Variants in GALNTL6 observed in about 807,000 individuals in gnomAD.
GALNTL6 encodes polypeptide N-acetylgalactosaminyltransferase-like 6.
GALNTL6 carries 46 observed loss-of-function variants against 73.7 expected under a neutral mutation model. The ratio of observed to expected loss-of-function variants is 0.62; its 90% CI spans 0.49 to 0.80. The LOEUF (loss-of-function observed/expected upper bound fraction) is 0.80, where lower values mean the gene tolerates loss of function less well. Among genes scored for constraint, GALNTL6 ranks in the 30% least tolerant of loss-of-function variants. The pLI, the probability that GALNTL6 is intolerant of heterozygous loss-of-function variation, is 0.00. For missense variants in GALNTL6, 604 were observed against 755.0 expected (o/e 0.80, Z 2.34); for synonymous variants, 259 against 263.7 (o/e 0.98, Z 0.17).
chr4:172,981,727 T>G (rs1327870694), intron 10 of GALNTL6, among the ~76,000 whole-genome samples: 1 of 151,930 alleles, frequency 6.6e-6, no homozygotes, highest in East Asian at 1.9e-4. Context: ...TTTATATTTC[T>G]TAAAAAAACA....
intron 3 of GALNTL6, among the ~76,000 whole-genome samples, chr4:172,278,116 T>C (rs1429465515): frequency 2.6e-5 from 4 of 152,198 alleles, no homozygotes; most frequent in Non-Finnish European, 4.4e-5. Flanking sequence ...CTTCCTATTA[T>C]TGCAGATGAG....
At chr4:172,848,502 A>G (rs1295828178) in intron 7 of GALNTL6, among the ~76,000 whole-genome samples, 1 of 152,186 alleles carries the variant, frequency 6.6e-6, no homozygotes, top group African/African-American at 2.4e-5. Context: ...TAGCTGGATG[A>G]ATGAATAGAC....
intron 3 of GALNTL6, among the ~76,000 whole-genome samples, chr4:172,231,884 T>C (rs1579282530): frequency 6.6e-6 from 1 of 152,112 alleles, no homozygotes; most frequent in East Asian, 1.9e-4. Context: ...CTGAATAAAC[T>C]TGTCTTTTCT....
chr4:172,303,010 A>AT (rs1739995352), intron 3 of GALNTL6, among the ~76,000 whole-genome samples: 1 of 151,436 alleles, frequency 6.6e-6, no homozygotes, highest in Non-Finnish European at 1.5e-5. Flanking sequence ...ATTTATTTTT[A>AT]TTTTTTTGAA....
intron 2 of GALNTL6, among the ~76,000 whole-genome samples, chr4:171,947,350 T>C (rs333008): frequency 0.42 from 63,957 of 151,940 alleles, 15,747 homozygotes; most frequent in Admixed American, 0.56. Context: ...ATATGAATTA[T>C]AGGTTGTAAG....
intron 2 of GALNTL6, among the ~76,000 whole-genome samples, chr4:172,137,528 T>C (rs1047575743): frequency 1.3e-5 from 2 of 151,920 alleles, no homozygotes; most frequent in African/African-American, 4.8e-5. Flanking sequence ...AGAGAAGAAA[T>C]CAGAAGAGTA....
At chr4:171,905,595 G>A (rs1029709061) in intron 2 of GALNTL6, among the ~76,000 whole-genome samples, 3 of 150,030 alleles carry the variant, frequency 2.0e-5, no homozygotes, top group Non-Finnish European at 4.4e-5. Flanking sequence ...GAGACAGAAA[G>A]TCAACAAGGA....
chr4:172,277,383 G>T (rs1332370660), intron 3 of GALNTL6, among the ~76,000 whole-genome samples: 1 of 152,128 alleles, frequency 6.6e-6, no homozygotes, highest in Non-Finnish European at 1.5e-5. Context: ...TGGGTCTGTT[G>T]TTATGGAAGC....
chr4:172,705,770 TC>T (rs2111306574), intron 5 of GALNTL6, among the ~76,000 whole-genome samples: 1 of 152,278 alleles, frequency 6.6e-6, no homozygotes, highest in South Asian at 2.1e-4. Flanking sequence ...CAGTTTTTTT[TC>T]CTTTAGCACT....
intron 8 of GALNTL6, among the ~76,000 whole-genome samples, chr4:172,913,077 C>A (rs921854012): frequency 2.6e-5 from 4 of 152,188 alleles, no homozygotes; most frequent in Non-Finnish European, 5.9e-5. Context: ...GTTCTGCCAC[C>A]TCCGCTGGTG....
intron 4 of GALNTL6, among the ~76,000 whole-genome samples, chr4:172,320,070 G>A (rs899308380): frequency 6.6e-6 from 1 of 152,078 alleles, no homozygotes; most frequent in East Asian, 1.9e-4. Flanking sequence ...CTCTCATCCT[G>A]CTCCTTGTTT....
At chr4:172,062,883 T>G (rs1355485920) in intron 2 of GALNTL6, among the ~76,000 whole-genome samples, 1 of 152,252 alleles carries the variant, frequency 6.6e-6, no homozygotes, top group Non-Finnish European at 1.5e-5. Context: ...CTCTACCTCC[T>G]TTCTGCTTCC....
At chr4:172,712,435 C>T (rs1734764310) in intron 5 of GALNTL6, among the ~76,000 whole-genome samples, 1 of 152,104 alleles carries the variant, frequency 6.6e-6, no homozygotes. Flanking sequence ...AATGCTATCC[C>T]TCCCCACTCC....
chr4:172,948,158 A>G (rs1465358975), intron 9 of GALNTL6, among the ~76,000 whole-genome samples: 2 of 152,364 alleles, frequency 1.3e-5, no homozygotes, highest in African/African-American at 4.8e-5. Context: ...TCTGGAGAAC[A>G]GGCATCTATA....
chr4:172,214,194 A>G (rs1472137000), intron 2 of GALNTL6, among the ~76,000 whole-genome samples: 2 of 152,130 alleles, frequency 1.3e-5, no homozygotes, highest in African/African-American at 4.8e-5. Flanking sequence ...TGTCTTGATA[A>G]CTGTAATATT....
Position 173,040,700 on chromosome 4 carries a change from A to C in GALNTL6, c.*600A>C, listed in dbSNP as rs1753864612. On this transcript the variant is annotated 3_prime_UTR_variant, in exon 13 of 13. Transcript: ENST00000506823. Reference sequence around the variant, plus strand: ...AATGTAAGACTTAAATTACATAATGAAATGGACATCCAGTGTTCCCATTCT... The same window carrying C: ...AATGTAAGACTTAAATTACATAATGCAATGGACATCCAGTGTTCCCATTCT... The C allele has an allele frequency of 6.6e-6, 1 of 152,618 alleles. No individual in the cohort carries two copies. 9.5% of individuals were successfully genotyped at this position (152,618 alleles called of 1,614,324 possible).
At chr4:172,445,017 A>G (rs1055840868) in intron 5 of GALNTL6, among the ~76,000 whole-genome samples, 1 of 152,172 alleles carries the variant, frequency 6.6e-6, no homozygotes, top group Non-Finnish European at 1.5e-5. Flanking sequence ...ATTTAGGGAA[A>G]AGCCAACAAG....
chr4:172,079,100 A>AG (rs1731798604), intron 2 of GALNTL6, among the ~76,000 whole-genome samples: 1 of 152,128 alleles, frequency 6.6e-6, no homozygotes, highest in African/African-American at 2.4e-5. Flanking sequence ...TCCATATCAA[A>AG]GTCCATATCT....
intron 2 of GALNTL6, among the ~76,000 whole-genome samples, chr4:171,825,584 A>G (rs1734802792): frequency 6.6e-6 from 1 of 152,152 alleles, no homozygotes; most frequent in Admixed American, 6.6e-5. Context: ...AAAGATCTTG[A>G]GTTCTAATAT....
Sources: gnomAD v4.1 joint callset for allele counts (sites outside exome capture counted in the v4.1 genomes callset) on GRCh38, gnomAD v4.1.1 for gene constraint, MANE v1.5 for transcripts, NCBI Gene and HGNC (gene_info 2026-07-23, HGNC 2026-07-21) for gene names.